The following GARIN5A variants were observed in gnomAD, a reference collection of about 807,000 sequenced individuals.
GARIN5A encodes the protein golgi associated RAB2 interactor 5A.
At chr19:50,474,567 G>A in the GARIN5A span, among the ~76,000 whole-genome samples, 5 of 151,930 alleles carry the variant, frequency 3.3e-5, no homozygotes, top group South Asian at 4.1e-4. Flanking sequence ...GGATGGTCTC[G>A]TTCTCTTGAC....
At chr19:50,469,984 C>G in the GARIN5A span, among the ~76,000 whole-genome samples, 41 of 152,266 alleles carry the variant, frequency 2.7e-4, no homozygotes, top group African/African-American at 9.1e-4. Flanking sequence ...GTTTTTCCCC[C>G]GACAACCTTA....
the GARIN5A span, among the ~76,000 whole-genome samples, chr19:50,472,162 G>A: frequency 3.8e-3 from 373 of 97,740 alleles, 2 homozygotes; most frequent in Middle Eastern, 0.015. Flanking sequence ...GTATATGTAT[G>A]TATACGTGTG....
chr19:50,472,090 A>ATATGTATATATACGTG, the GARIN5A span, among the ~76,000 whole-genome samples: 5 of 113,314 alleles, frequency 4.4e-5, no homozygotes, highest in South Asian at 3.1e-4. Flanking sequence ...ATGTGTGTAT[A>ATATGTATATATACGTG]TGTATATGTA....
the GARIN5A span, among the ~76,000 whole-genome samples, chr19:50,469,097 A>G: frequency 6.6e-6 from 1 of 152,030 alleles, no homozygotes; most frequent in Admixed American, 6.6e-5. Flanking sequence ...AACAGGAATA[A>G]ACACAAAGCC....
At chr19:50,473,570 G>A in the GARIN5A span, among the ~76,000 whole-genome samples, 3 of 152,232 alleles carry the variant, frequency 2.0e-5, no homozygotes, top group Admixed American at 2.0e-4. Flanking sequence ...ATGTTGCCCA[G>A]GCTGGTCTTG....
At chr19:50,475,628 C>A in the GARIN5A span, 1 of 719,336 alleles carries the variant, frequency 1.4e-6, no homozygotes, top group Non-Finnish European at 2.3e-6. Context: ...GGTGTGAAGT[C>A]AGGGAAACTG....
chr19:50,468,294 G>A, the GARIN5A span, among the ~76,000 whole-genome samples: 6 of 150,804 alleles, frequency 4.0e-5, no homozygotes, highest in Non-Finnish European at 5.9e-5. Flanking sequence ...CCTGGGAGGC[G>A]GAGGTTGCAG....
chr19:50,475,187 G>A, the GARIN5A span: 1 of 1,302,462 alleles, frequency 7.7e-7, no homozygotes, highest in Non-Finnish European at 1.0e-6. Flanking sequence ...CTCCCGGGTA[G>A]ATGGCAGCTC....
At chr19:50,476,224 C>A in the GARIN5A span, 1 of 1,613,588 alleles carries the variant, frequency 6.2e-7, no homozygotes, top group South Asian at 1.1e-5. Context: ...CCGACGGGAG[C>A]GGACGGAGGA....
chr19:50,472,093 T>A, the GARIN5A span, among the ~76,000 whole-genome samples: 1 of 144,012 alleles, frequency 6.9e-6, no homozygotes, highest in South Asian at 2.1e-4. Context: ...TGTGTATATG[T>A]ATATGTATAT....
At chr19:50,475,811 AGGGGGTTCT>A in the GARIN5A span, 12 of 1,556,486 alleles carry the variant, frequency 7.7e-6, no homozygotes, top group African/African-American at 1.4e-5. Context: ...GCTGGGGATG[AGGGGGTTCT>A]GGGGCTCCCT....
the GARIN5A span, chr19:50,475,751 G>A: frequency 2.4e-5 from 24 of 1,004,616 alleles, no homozygotes; most frequent in Admixed American, 3.6e-4. Context: ...TGGACGTTAT[G>A]GGGGAGCAGG....
chr19:50,475,203 G>A, the GARIN5A span: 1 of 1,390,442 alleles, frequency 7.2e-7, no homozygotes, highest in East Asian at 2.4e-5. Flanking sequence ...AGCTCAGGGA[G>A]GGCCGGTAGC....
chr19:50,471,707 CGTGTGTGT>C, the GARIN5A span, among the ~76,000 whole-genome samples: 3 of 146,406 alleles, frequency 2.0e-5, no homozygotes, highest in East Asian at 2.0e-4. Context: ...CATACATGCA[CGTGTGTGT>C]ATACGCATAC....
chr19:50,470,800 G>A, the GARIN5A span, among the ~76,000 whole-genome samples: 4 of 150,364 alleles, frequency 2.7e-5, no homozygotes, highest in Non-Finnish European at 4.4e-5. Flanking sequence ...GATTACAGGC[G>A]CCCGCCACCA....
the GARIN5A span, among the ~76,000 whole-genome samples, chr19:50,471,719 C>CGCATACATGCACGTGTGTGTATAT: frequency 2.0e-5 from 3 of 149,402 alleles, no homozygotes; most frequent in Admixed American, 6.7e-5. Context: ...TGTGTGTATA[C>CGCATACATGCACGTGTGTGTATAT]GCATACATGC....
the GARIN5A span, chr19:50,476,464 T>G: frequency 1.4e-5 from 22 of 1,565,270 alleles, no homozygotes; most frequent in Middle Eastern, 2.2e-4. Context: ...CGCACGGGCG[T>G]CAGGATGCGG....
At chr19:50,471,640 GTA>G in the GARIN5A span, among the ~76,000 whole-genome samples, 1 of 151,474 alleles carries the variant, frequency 6.6e-6, no homozygotes, top group African/African-American at 2.4e-5. Context: ...ATACATGTGT[GTA>G]TATACGCATA....
chr19:50,472,038 G>A, the GARIN5A span, among the ~76,000 whole-genome samples: 2 of 145,716 alleles, frequency 1.4e-5, no homozygotes, highest in African/African-American at 5.2e-5. Flanking sequence ...ATGTACGTGT[G>A]TGTATATGTA....
Sources: allele counts gnomAD v4.1 joint callset (sites outside exome capture counted in the v4.1 genomes callset), GRCh38; gene constraint gnomAD v4.1.1; transcripts MANE v1.5; gene names NCBI Gene and HGNC (gene_info 2026-07-23, HGNC 2026-07-21).